The following RBFOX1 variants were observed in gnomAD, a reference collection of about 807,000 sequenced individuals.
RBFOX1 encodes the protein RNA binding fox-1 homolog 1, also known as RNA binding protein fox-1 homolog 1.
Under a neutral mutation model 57.7 loss-of-function variants are expected in RBFOX1, and 8 were observed. The ratio of observed to expected loss-of-function variants is 0.14; its 90% CI spans 0.08 to 0.25. RBFOX1 has a LOEUF of 0.25. RBFOX1 is among the 10% of genes least tolerant of loss of function. The probability of loss-of-function intolerance (pLI) is 1.00; values close to 1 mark genes in which losing one functional copy is unlikely to be tolerated. For synonymous variants in RBFOX1, 326 were observed against 222.4 expected, an observed-to-expected ratio of 1.47 and a Z score of -4.15; for missense variants, 611 against 548.5, an observed-to-expected ratio of 1.11 and a Z score of -1.14.
At chr16:6,911,530 C>A (rs756689502) in intron 3 of RBFOX1, among the ~76,000 whole-genome samples, 3 of 152,108 alleles carry the variant, frequency 2.0e-5, no homozygotes, top group Admixed American at 1.3e-4. Context: ...CCAAATTTCC[C>A]CTTTTTATGA....
At chr16:7,313,161 G>C (rs528182793) in intron 4 of RBFOX1, among the ~76,000 whole-genome samples, 44 of 152,330 alleles carry the variant, frequency 2.9e-4, no homozygotes, top group African/African-American at 1.0e-3. Context: ...CCTCCTGAAA[G>C]TGGCTTTGCT....
In RBFOX1 at chr16:6,043,120, G is replaced by GAA. The variant is rs570358262; in HGVS notation, c.-127+23169_-127+23170dup. 8.3e-3 allele frequency among the ~76,000 whole-genome samples: 580 copies of GAA among 70,206 alleles called. 66 individuals are homozygous for GAA. The highest frequency in any genetic ancestry group is 0.011 in the Non-Finnish European group (420 of 38,216). 46.1% of individuals were successfully genotyped at this position (70,206 alleles called of 152,430 possible). A position where few individuals can be genotyped will look rare whatever the true frequency, so the allele number is the denominator to read the frequency against. ...GCGACAGAGCAAGATTGTGTTTCCA[G>GAA]AAAAAAAAAAAAAAAAAAAAAAAAA... is the stretch of plus-strand genomic sequence containing the variant. On this transcript the variant is annotated intron_variant, in intron 1 of 15. Coordinates refer to ENST00000550418, the MANE Select transcript of RBFOX1 (RefSeq NM_018723.4).
chr16:7,474,410 G>A (rs532954241), intron 4 of RBFOX1, among the ~76,000 whole-genome samples: 1 of 152,286 alleles, frequency 6.6e-6, no homozygotes, highest in Middle Eastern at 3.4e-3. Context: ...TCACTGTGAA[G>A]GTCATGTATT....
rs186961158 is a variant in RBFOX1 at position 7,598,797 on chromosome 16, T to A, written c.622+1366T>A. On this transcript the variant is annotated intron_variant, in intron 9 of 15. Transcript: ENST00000550418. ...TTTAATATATACAGATTAGACTAAT[T>A]CATTTCAGTGGTTATGTAATATTAC... 1.3e-4 allele frequency among the ~76,000 whole-genome samples: 20 copies of A among 152,334 alleles called. No homozygotes were observed. The East Asian group carries it at 3.7e-3, about 28-fold the overall frequency.
intron 4 of RBFOX1, among the ~76,000 whole-genome samples, chr16:7,091,332 A>G (rs2060816332): frequency 6.7e-6 from 1 of 150,100 alleles, no homozygotes; most frequent in African/African-American, 2.5e-5. Flanking sequence ...TCTTCACTTT[A>G]TCGTTTCACA....
intron 4 of RBFOX1, among the ~76,000 whole-genome samples, chr16:7,415,309 T>C (rs1008917609): frequency 6.6e-6 from 1 of 152,192 alleles, no homozygotes; most frequent in Non-Finnish European, 1.5e-5. Context: ...TAATCCAAGA[T>C]AAATCCATAT....
chr16:6,127,643 C>T (rs1456952331), intron 1 of RBFOX1, among the ~76,000 whole-genome samples: 2 of 152,120 alleles, frequency 1.3e-5, no homozygotes, highest in East Asian at 1.9e-4. Flanking sequence ...AACCACCCTG[C>T]GTCCCAGCAA....
At chr16:6,767,958 A>ATAATAAT (rs1567165972) in intron 3 of RBFOX1, among the ~76,000 whole-genome samples, 23 of 117,118 alleles carry the variant, frequency 2.0e-4, no homozygotes, top group African/African-American at 3.6e-4. Context: ...AAGAAGAAGA[A>ATAATAAT]GAAGAAGAAG....
chr16:7,274,216 G>A (rs764221361), intron 4 of RBFOX1, among the ~76,000 whole-genome samples: 12 of 152,324 alleles, frequency 7.9e-5, no homozygotes, highest in Admixed American at 2.6e-4. Flanking sequence ...ATTAGCTAAT[G>A]TTTATTGAGT....
At chr16:7,552,978 C>T (rs149150317) in intron 5 of RBFOX1, among the ~76,000 whole-genome samples, 11 of 152,014 alleles carry the variant, frequency 7.2e-5, no homozygotes, top group Non-Finnish European at 1.5e-4. Context: ...CCACTGAGAC[C>T]GGCCTAATTT....
intron 1 of RBFOX1, among the ~76,000 whole-genome samples, chr16:5,391,246 C>G (rs764965443): frequency 2.6e-5 from 4 of 152,192 alleles, no homozygotes; most frequent in Non-Finnish European, 5.9e-5. Flanking sequence ...CATTTATTCT[C>G]TTATAGTACT....
At chr16:7,104,180 G>C (rs12598912) in intron 4 of RBFOX1, among the ~76,000 whole-genome samples, 44,014 of 151,998 alleles carry the variant, frequency 0.29, 6,818 homozygotes, top group East Asian at 0.48. Flanking sequence ...GCATTGATTT[G>C]TTAAATGTCT....
intron 1 of RBFOX1, among the ~76,000 whole-genome samples, chr16:6,278,537 G>A (rs1375070942): frequency 6.6e-6 from 1 of 151,538 alleles, no homozygotes; most frequent in African/African-American, 2.4e-5. Flanking sequence ...ACCCAAAGAA[G>A]AAAAAAATAA....
intron 2 of RBFOX1, among the ~76,000 whole-genome samples, chr16:6,595,618 T>C (rs372462976): frequency 2.8e-4 from 43 of 152,328 alleles, no homozygotes; most frequent in African/African-American, 9.9e-4. Flanking sequence ...TTTTTAACAT[T>C]TTGAGGAACT....
At chr16:6,307,291 G>A (rs905860828) in intron 1 of RBFOX1, among the ~76,000 whole-genome samples, 5 of 152,264 alleles carry the variant, frequency 3.3e-5, no homozygotes, top group Admixed American at 3.3e-4. Context: ...GCTGAGGCAG[G>A]AGAATGGTGT....
At chr16:5,520,371 A>G (rs2043966586) in intron 2 of RBFOX1, among the ~76,000 whole-genome samples, 1 of 152,228 alleles carries the variant, frequency 6.6e-6, no homozygotes, top group Non-Finnish European at 1.5e-5. Flanking sequence ...ACAAGCAATC[A>G]AGAGGCAGAG....
chr16:7,106,827 G>T (rs1157396789), intron 4 of RBFOX1, among the ~76,000 whole-genome samples: 1 of 151,946 alleles, frequency 6.6e-6, no homozygotes, highest in Non-Finnish European at 1.5e-5. Flanking sequence ...GCATTAAACA[G>T]ATACACAAGC....
intron 3 of RBFOX1, among the ~76,000 whole-genome samples, chr16:6,950,112 A>AG (rs2080398411): frequency 8.6e-6 from 1 of 116,738 alleles, no homozygotes; most frequent in African/African-American, 3.7e-5. Flanking sequence ...ACGCAGAGGT[A>AG]ATTTTTTTTT....
chr16:6,647,801 C>G (rs144512304), intron 2 of RBFOX1, among the ~76,000 whole-genome samples: 5 of 152,216 alleles, frequency 3.3e-5, no homozygotes, highest in African/African-American at 1.2e-4. Context: ...GTGGTACAAT[C>G]TTAGCTCACT....
Sources: allele counts gnomAD v4.1 joint callset (sites outside exome capture counted in the v4.1 genomes callset), GRCh38; gene constraint gnomAD v4.1.1; transcripts MANE v1.5; gene names NCBI Gene and HGNC (gene_info 2026-07-23, HGNC 2026-07-21).